The following GRSF1 variants were observed in gnomAD, a reference collection of about 807,000 sequenced individuals.
GRSF1 encodes G-rich RNA sequence binding factor 1.
In GRSF1, 50 loss-of-function variants were observed where a neutral mutation model predicts 51.1. The observed-to-expected ratio is 0.98, with a 90% confidence interval of 0.78 to 1.24. GRSF1 has a LOEUF of 1.24. GRSF1 is among the 50% of genes most tolerant of loss of function. The pLI is 0.00. For synonymous variants in GRSF1, 293 were observed against 253.3 expected (o/e 1.16, Z -1.49); for missense variants, 700 against 639.7 (o/e 1.09, Z -1.02).
At chr4:70,837,760 C>A (rs370986116) in intron 1 of GRSF1, among the ~76,000 whole-genome samples, 3 of 150,306 alleles carry the variant, frequency 2.0e-5, no homozygotes, top group Non-Finnish European at 4.4e-5. Context: ...CTCAGCCTCC[C>A]GGGTAGCTGG....
Position 70,839,749 on chromosome 4 carries a change from C to T in GRSF1, c.79G>A (p.Ala27Thr), listed in dbSNP as rs747749566. The T allele has an allele frequency of 2.0e-6, 3 of 1,503,072 alleles. No individual in the cohort carries two copies. The highest frequency in any genetic ancestry group is 1.2e-5 in the South Asian group (1 of 81,844). 93.1% of individuals were successfully genotyped at this position (1,503,072 alleles called of 1,614,324 possible). Residue 27 changes from alanine to threonine, a missense_variant, in exon 1 of 10, where the codon GCC (alanine) becomes ACC (threonine). Coordinates refer to ENST00000254799, the MANE Select transcript of GRSF1 (RefSeq NM_002092.4). ...CNCSSCRRTG[A>T]ACLPFYSAAG... ...GCGGAGTAGAAGGGCAGGCAGGCGG[C>T]GCCGGTGCGCCGGCAGCTGCTGCAG...
At position 70,825,463 on chromosome 4, in the gene GRSF1, C is replaced by A. The variant is rs549084693; in HGVS notation, c.1258-32G>T. On this transcript the variant is annotated intron_variant, in intron 7 of 9. Transcript: ENST00000254799. ...GACAAACAAAGGCAGTCAAGAGGAA[C>A]ATGATGGATGTAAACCTACCTAGAA... 3 of 1,587,158 alleles carry A rather than the reference C, an allele frequency of 1.9e-6. No individual in the cohort carries two copies. In the African/African-American group the frequency reaches 4.0e-5, roughly 21 times the overall value.
intron 9 of GRSF1, among the ~76,000 whole-genome samples, chr4:70,823,545 C>T (rs1733607658): frequency 1.3e-5 from 2 of 150,116 alleles, no homozygotes; most frequent in African/African-American, 4.9e-5. Flanking sequence ...CTTATATTGA[C>T]ACTTCAATTA....
chr4:70,826,247 T>G lies in GRSF1; in HGVS notation c.1136-2A>C. 3.1e-6 allele frequency: 5 copies of G among 1,599,762 alleles called. No homozygotes were observed. Among genetic ancestry groups the G allele is most frequent in the Non-Finnish European group, 4.3e-6 (5 of 1,175,304 alleles). On this transcript the variant is annotated splice_acceptor_variant, in intron 6 of 9. Coordinates refer to ENST00000254799, the MANE Select transcript of GRSF1 (RefSeq NM_002092.4). LOFTEE classifies it high-confidence loss of function. Reference sequence around the variant, plus strand: ...TTTCTGGCACCTCCTTAGGCAATTCTGAGAGGTGGAACAGAAAGCACTGTT... The same window carrying G: ...TTTCTGGCACCTCCTTAGGCAATTCGGAGAGGTGGAACAGAAAGCACTGTT...
At chr4:70,828,614 G>A (rs777395072) in intron 5 of GRSF1, among the ~76,000 whole-genome samples, 3 of 152,138 alleles carry the variant, frequency 2.0e-5, no homozygotes, top group Non-Finnish European at 4.4e-5. Flanking sequence ...TGTCACCCAA[G>A]ATGGTGTGCA....
rs767440198 is a variant in GRSF1, at chr4:70,836,325, A to C, written c.358-11T>G. 3 of 1,542,328 alleles carry C rather than the reference A, an allele frequency of 1.9e-6. No homozygotes were observed. The South Asian group carries it at 3.7e-5, about 19-fold the overall frequency. Reference sequence around the variant, plus strand: ...AGTAGTTTTGGACTCCTTCCAAAGGAAATGAAGAATTGTAAAAAGAGTTGC... The same window carrying C: ...AGTAGTTTTGGACTCCTTCCAAAGGCAATGAAGAATTGTAAAAAGAGTTGC... On this transcript the variant is annotated splice_polypyrimidine_tract_variant and intron_variant, in intron 1 of 9. Transcript: ENST00000254799.
At chr4:70,838,644 A>AAGAG (rs1186887202) in intron 1 of GRSF1, among the ~76,000 whole-genome samples, 2 of 151,774 alleles carry the variant, frequency 1.3e-5, no homozygotes, top group African/African-American at 4.9e-5. Flanking sequence ...ACGTACCAAG[A>AAGAG]AGAGAAAGGT....
Position 70,819,743 on chromosome 4 carries a change from A to G in GRSF1, c.*1144T>C, listed in dbSNP as rs1300636070. The G allele has an allele frequency of 6.6e-6, 1 of 152,664 alleles. No homozygotes were observed. Among genetic ancestry groups the G allele is most frequent in the Admixed American group, 6.5e-5 (1 of 15,282 alleles). 9.5% of individuals were successfully genotyped at this position (152,664 alleles called of 1,614,324 possible). On this transcript the variant is annotated 3_prime_UTR_variant, in exon 10 of 10. Transcript: ENST00000254799. ...CTGAGAACAGGAACAAGGCAAAGAA[A>G]GCATACAGGATTTTGATTCTCCTAC...
At position 70,836,153 on chromosome 4, in the gene GRSF1, T is replaced by G; in HGVS notation, c.514+5A>C. 1 of 1,479,360 alleles carries G rather than the reference T, an allele frequency of 6.8e-7. No homozygotes were observed. The allele number at this position is 1,479,360 out of a possible 1,614,324, so 91.6% of individuals were successfully genotyped here. On this transcript the variant is annotated splice_donor_5th_base_variant and intron_variant, in intron 2 of 9. Transcript: ENST00000254799. ...ATAAATAAATAAAACATACATAAAA[T>G]ATACCTGAAAAAAAGTTAAGCACAT...
chr4:70,825,980 A>C, intron 7 of GRSF1, 144 bp downstream of exon 7: 1 of 684,968 alleles, frequency 1.5e-6, no homozygotes, highest in Admixed American at 3.1e-5. Context: ...AAAAAGAAGC[A>C]AGCTTTGCAA....
In GRSF1 at chr4:70,824,282, T is replaced by A. The variant is rs192886755; in HGVS notation, c.*25+12A>T. The A allele has an allele frequency of 1.5e-4, 176 of 1,141,462 alleles. No individual in the cohort carries two copies. Among genetic ancestry groups the A allele is most frequent in the Admixed American group, 5.5e-4 (28 of 51,340 alleles). 70.7% of individuals were successfully genotyped at this position (1,141,462 alleles called of 1,614,324 possible). A position where few individuals can be genotyped will look rare whatever the true frequency, so the allele number is the denominator to read the frequency against. On this transcript the variant is annotated intron_variant, in intron 9 of 9. Coordinates refer to ENST00000254799, the MANE Select transcript of GRSF1 (RefSeq NM_002092.4). ...ACTGCACCCAGCCCACAGTATTACC[T>A]CTTAAATTTACCTTATTATCTGGAG...
At chr4:70,832,486 A>C in intron 3 of GRSF1, 36 bp from the exon 4 acceptor site, 3 of 1,374,062 alleles carry the variant, frequency 2.2e-6, no homozygotes, top group Non-Finnish European at 3.1e-6. Context: ...TGAAAAATTT[A>C]CATAACAAAG....
chr4:70,825,578 T>G, intron 7 of GRSF1, 147 bp from the exon 8 acceptor site: 1 of 520,054 alleles, frequency 1.9e-6, no homozygotes, highest in Middle Eastern at 5.3e-4. Flanking sequence ...GTAATATATT[T>G]ATATATCTAG....
At position 70,816,983 on chromosome 4, in the gene GRSF1, T is replaced by A. The variant is rs1733337653; in HGVS notation, c.*3904A>T. 6.6e-6 allele frequency: 1 copy of A among 152,100 alleles called. No homozygotes were observed. The allele number at this position is 152,100 out of a possible 1,614,324, so 9.4% of individuals were successfully genotyped here. ...AGAAAAGCCAAAATACAAAATAGCA[T>A]GTACAGTATAATTTATATTTTTAAA... On this transcript the variant is annotated 3_prime_UTR_variant, in exon 10 of 10. Coordinates refer to ENST00000254799, the MANE Select transcript of GRSF1 (RefSeq NM_002092.4).
intron 5 of GRSF1, 66 bp from the exon 6 acceptor site, chr4:70,828,102 A>G (rs1225109344): frequency 1.8e-6 from 2 of 1,115,136 alleles, no homozygotes; most frequent in Non-Finnish European, 2.7e-6. Context: ...ACTCATTTAA[A>G]ATAAACATGT....
chr4:70,825,372 G>C lies in GRSF1; in HGVS notation c.1317C>G (p.Ala439=), dbSNP rs376559778. ...CAAAGTGCACATCAGCTTCTCCAGTGGCCTTCCCACTGGAGCTGTATTCCA... is the reference window on the plus strand; with the variant it reads ...CAAAGTGCACATCAGCTTCTCCAGTCGCCTTCCCACTGGAGCTGTATTCCA... ...ITMEYSSSGK[A]TGEADVHFET... is the part of the protein sequence containing the mutation. Residue 439 remains alanine, a synonymous_variant, in exon 8 of 10, where the codon GCC becomes GCG. Coordinates refer to ENST00000254799, the MANE Select transcript of GRSF1 (RefSeq NM_002092.4). The C allele has an allele frequency of 4.3e-6, 7 of 1,611,454 alleles. No individual in the cohort carries two copies. In the East Asian group the frequency reaches 1.3e-4, roughly 31 times the overall value.
intron 2 of GRSF1, among the ~76,000 whole-genome samples, chr4:70,834,976 T>A (rs1440554679): frequency 1.3e-5 from 2 of 152,104 alleles, no homozygotes; most frequent in Non-Finnish European, 2.9e-5. Context: ...CCTGGTGTCT[T>A]CTTGTTCCCC....
intron 2 of GRSF1, among the ~76,000 whole-genome samples, chr4:70,835,257 C>G (rs1425523744): frequency 4.6e-5 from 7 of 151,188 alleles, no homozygotes; most frequent in African/African-American, 1.4e-4. Flanking sequence ...TCCTGGCTAA[C>G]ACGGTGAAAC....
intron 4 of GRSF1, 81 bp downstream of exon 4, chr4:70,832,226 A>C: frequency 8.5e-7 from 1 of 1,183,128 alleles, no homozygotes; most frequent in South Asian, 1.5e-5. Context: ...TTTGCCCAGA[A>C]ACAGGCTCAT....
Sources: gnomAD v4.1 joint callset for allele counts (sites outside exome capture counted in the v4.1 genomes callset) on GRCh38, gnomAD v4.1.1 for gene constraint, MANE v1.5 for transcripts, NCBI Gene and HGNC (gene_info 2026-07-23, HGNC 2026-07-21) for gene names.